Variants in ANKH observed in about 807,000 individuals in gnomAD.
ANKH encodes mineralization regulator ANKH.
Under a neutral mutation model 49.0 loss-of-function variants are expected in ANKH, and 15 were observed. That is an observed-to-expected ratio of 0.31 (90% confidence interval 0.20 to 0.47). The LOEUF (loss-of-function observed/expected upper bound fraction) is 0.47, where lower values mean the gene tolerates loss of function less well. Among genes scored for constraint, ANKH ranks in the 20% least tolerant of loss-of-function variants. The pLI, the probability that ANKH is intolerant of heterozygous loss-of-function variation, is 1.00. For missense variants in ANKH, 429 were observed against 652.0 expected, an observed-to-expected ratio of 0.66 and a Z score of 3.72; for synonymous variants, 273 against 260.0, an observed-to-expected ratio of 1.05 and a Z score of -0.48.
intron 1 of ANKH, among the ~76,000 whole-genome samples, chr5:14,838,607 T>C (rs555591217): frequency 1.2e-4 from 18 of 152,182 alleles, no homozygotes; most frequent in African/African-American, 3.9e-4. Flanking sequence ...CCACGCCTGC[T>C]TGGGGGCGCC....
rs1314873406 is a variant in ANKH at position 14,708,338 on chromosome 5, C to T, written c.*2859G>A. 6.6e-6 allele frequency: 1 copy of T among 152,224 alleles called. No individual in the cohort carries two copies. Among genetic ancestry groups the T allele is most frequent in the Admixed American group, 6.5e-5 (1 of 15,288 alleles). The allele number at this position is 152,224 out of a possible 1,614,324, so 9.4% of individuals were successfully genotyped here. The stretch of plus-strand genomic sequence containing the variant: ...TTGTATTCATCCACAAGCAATCACT[C>T]AGTTTTGGAGAAAGTCACACCTGGT... On this transcript the variant is annotated 3_prime_UTR_variant, in exon 12 of 12. Coordinates refer to ENST00000284268, the MANE Select transcript of ANKH (RefSeq NM_054027.6).
At chr5:14,730,151 T>C (rs1005579034) in intron 8 of ANKH, among the ~76,000 whole-genome samples, 6 of 152,110 alleles carry the variant, frequency 3.9e-5, no homozygotes, top group African/African-American at 1.2e-4. Flanking sequence ...GGAGGGGACC[T>C]GACCAGGCCG....
chr5:14,856,313 T>C (rs1735243540), intron 1 of ANKH, among the ~76,000 whole-genome samples: 1 of 152,138 alleles, frequency 6.6e-6, no homozygotes, highest in South Asian at 2.1e-4. Context: ...TCAAAGTCTT[T>C]GCAATACTAT....
intron 8 of ANKH, among the ~76,000 whole-genome samples, chr5:14,719,739 T>C (rs917636147): frequency 6.6e-6 from 1 of 152,030 alleles, no homozygotes; most frequent in African/African-American, 2.4e-5. Flanking sequence ...TGGGGGTGCC[T>C]CTCGGAGTAG....
intron 1 of ANKH, among the ~76,000 whole-genome samples, chr5:14,841,871 A>G (rs1472656975): frequency 1.3e-5 from 2 of 152,204 alleles, no homozygotes; most frequent in Non-Finnish European, 2.9e-5. Flanking sequence ...CACCTATGGT[A>G]GTCTTGAAGG....
intron 8 of ANKH, among the ~76,000 whole-genome samples, chr5:14,730,478 G>A (rs1206284339): frequency 2.6e-5 from 4 of 152,112 alleles, no homozygotes; most frequent in African/African-American, 9.7e-5. Flanking sequence ...AACAGGCCAC[G>A]AGGAGGAAAA....
chr5:14,758,761 C>A (rs940604556), intron 2 of ANKH, among the ~76,000 whole-genome samples, 163 bp from the exon 3 acceptor site: 5 of 152,218 alleles, frequency 3.3e-5, no homozygotes, highest in Admixed American at 1.3e-4. Flanking sequence ...CATCCCTCTA[C>A]CCAGAGTGGG....
intron 1 of ANKH, among the ~76,000 whole-genome samples, chr5:14,781,821 T>A (rs1359780532): frequency 6.6e-6 from 1 of 152,214 alleles, no homozygotes; most frequent in Non-Finnish European, 1.5e-5. Context: ...TTACTACATT[T>A]CCTAATTTTT....
chr5:14,837,898 T>C (rs538127903), intron 1 of ANKH, among the ~76,000 whole-genome samples: 1 of 152,202 alleles, frequency 6.6e-6, no homozygotes, highest in East Asian at 1.9e-4. Context: ...ATTAAGAAAA[T>C]GTGGCACATA....
At chr5:14,773,945 A>G (rs1580057076) in intron 1 of ANKH, among the ~76,000 whole-genome samples, 1 of 152,228 alleles carries the variant, frequency 6.6e-6, no homozygotes, top group East Asian at 1.9e-4. Context: ...GCAAGATATT[A>G]TTGCTTGTAA....
chr5:14,856,334 T>G (rs1481790161), intron 1 of ANKH, among the ~76,000 whole-genome samples: 1 of 152,138 alleles, frequency 6.6e-6, no homozygotes, highest in East Asian at 1.9e-4. Flanking sequence ...CATACATACA[T>G]GCACCATTTC....
rs1134525 is a variant in ANKH at position 14,715,153 on chromosome 5, C to T, written c.1142-1486G>A. ...CTTTCTTTTTCTTTTTGTTTTGAGA[C>T]GGAGTTTCACTCTTATTGCAGAGGC... is the stretch of plus-strand genomic sequence containing the variant. On this transcript the variant is annotated intron_variant, in intron 9 of 11. Coordinates refer to ENST00000284268, the MANE Select transcript of ANKH (RefSeq NM_054027.6). Among the ~76,000 whole-genome samples the T allele has an allele frequency of 8.5e-5, 13 of 152,140 alleles. No homozygotes were observed. The South Asian group carries it at 1.0e-3, about 12-fold the overall frequency.
At chr5:14,741,976 C>G (rs1738374494) in intron 7 of ANKH, 54 bp from the exon 8 acceptor site, 1 of 1,349,082 alleles carries the variant, frequency 7.4e-7, no homozygotes, top group Non-Finnish European at 1.1e-6. Context: ...TTGGCTGAAC[C>G]CACCGGGGGA....
intron 8 of ANKH, among the ~76,000 whole-genome samples, chr5:14,718,428 A>G (rs1280974373): frequency 6.7e-6 from 1 of 150,178 alleles, no homozygotes; most frequent in East Asian, 2.0e-4. Flanking sequence ...GAGAGAAGGG[A>G]AAAAAAAAAC....
chr5:14,805,722 A>G (rs1171437645), intron 1 of ANKH, among the ~76,000 whole-genome samples: 3 of 152,004 alleles, frequency 2.0e-5, no homozygotes. Context: ...ATTACCTGAC[A>G]CAATGTTATT....
intron 2 of ANKH, among the ~76,000 whole-genome samples, chr5:14,759,407 T>TAA (rs972548723): frequency 4.6e-5 from 7 of 152,268 alleles, no homozygotes; most frequent in Non-Finnish European, 1.0e-4. Flanking sequence ...AAAGGTTAAA[T>TAA]AAAATATTGA....
At chr5:14,863,339 G>A (rs1265689280) in intron 1 of ANKH, among the ~76,000 whole-genome samples, 2 of 152,068 alleles carry the variant, frequency 1.3e-5, no homozygotes, top group South Asian at 2.1e-4. Context: ...CCAATCCCTC[G>A]GTTAAGTACT....
chr5:14,789,143 G>A (rs903004327), intron 1 of ANKH, among the ~76,000 whole-genome samples: 2 of 152,074 alleles, frequency 1.3e-5, no homozygotes, highest in African/African-American at 4.8e-5. Flanking sequence ...CAGGAGAATC[G>A]CTTGAACCTT....
At chr5:14,760,406 G>A (rs1269715186) in intron 2 of ANKH, among the ~76,000 whole-genome samples, 1 of 152,232 alleles carries the variant, frequency 6.6e-6, no homozygotes, top group African/African-American at 2.4e-5. Context: ...GCAGCCAGGT[G>A]AGAATTGCAT....
Sources: allele counts gnomAD v4.1 joint callset (sites outside exome capture counted in the v4.1 genomes callset), GRCh38; gene constraint gnomAD v4.1.1; transcripts MANE v1.5; gene names NCBI Gene and HGNC (gene_info 2026-07-23, HGNC 2026-07-21).